The following EDARADD variants were observed in gnomAD, a reference collection of about 807,000 sequenced individuals.
EDARADD encodes the protein EDAR associated via death domain.
Under a neutral mutation model 25.6 loss-of-function variants are expected in EDARADD, and 20 were observed. That is an observed-to-expected ratio of 0.78 (90% CI 0.55 to 1.14). The LOEUF is 1.14. Ranked by LOEUF, EDARADD falls within the 50% of genes most tolerant of loss-of-function variation. EDARADD has a pLI of 0.00. For missense variants in EDARADD, 225 were observed against 270.1 expected (o/e 0.83, Z 1.17); for synonymous variants, 86 against 94.4 (o/e 0.91, Z 0.52).
intron 3 of EDARADD, among the ~76,000 whole-genome samples, chr1:236,368,536 G>C (rs1376875749): frequency 6.6e-6 from 1 of 150,844 alleles, no homozygotes; most frequent in African/African-American, 2.5e-5. Flanking sequence ...TGCCTCCCGG[G>C]TTCAAGCGAT....
At chr1:236,478,995 G>A (rs534583596) in intron 5 of EDARADD, among the ~76,000 whole-genome samples, 37 of 152,214 alleles carry the variant, frequency 2.4e-4, no homozygotes, top group South Asian at 2.3e-3. Flanking sequence ...AGAATGATAC[G>A]ATAGACTTTG....
chr1:236,412,874 A>T (rs934707452), intron 2 of EDARADD, among the ~76,000 whole-genome samples: 1 of 152,090 alleles, frequency 6.6e-6, no homozygotes. Context: ...ATTTTTATTT[A>T]TTTATTTATT....
At chr1:236,423,865 C>T (rs947854101) in intron 3 of EDARADD, among the ~76,000 whole-genome samples, 2 of 151,926 alleles carry the variant, frequency 1.3e-5, no homozygotes, top group East Asian at 1.9e-4. Context: ...CAGCACTTTG[C>T]GAGGCCGAGG....
chr1:236,454,504 C>T (rs1459906548), intron 4 of EDARADD, among the ~76,000 whole-genome samples: 1 of 152,196 alleles, frequency 6.6e-6, no homozygotes, highest in East Asian at 1.9e-4. Context: ...TGCTTTATTT[C>T]CTAGGCTTGG....
chr1:236,441,913 A>G (rs1658413009), intron 4 of EDARADD, among the ~76,000 whole-genome samples: 1 of 152,202 alleles, frequency 6.6e-6, no homozygotes, highest in Non-Finnish European at 1.5e-5. Context: ...AGGTTGGTTC[A>G]TGAGCTTAAG....
chr1:236,476,788 G>T (rs992304004), intron 5 of EDARADD, among the ~76,000 whole-genome samples: 1 of 152,088 alleles, frequency 6.6e-6, no homozygotes, highest in African/African-American at 2.4e-5. Flanking sequence ...GCCTCCCAAA[G>T]TACTGGGATT....
intron 3 of EDARADD, among the ~76,000 whole-genome samples, chr1:236,414,828 G>T (rs931371257): frequency 6.6e-6 from 1 of 151,762 alleles, no homozygotes; most frequent in African/African-American, 2.4e-5. Context: ...AGCCAAGATC[G>T]CACCACTGCA....
In EDARADD at chr1:236,414,217, A is replaced by G. The variant is rs748905830; in HGVS notation, c.121-43A>G. On this transcript the variant is annotated intron_variant, in intron 2 of 5. Coordinates refer to ENST00000334232, the MANE Select transcript of EDARADD (RefSeq NM_145861.4). ...AGCTTTCTTTTCACTTTGATCTTAC[A>G]TGGCATTTAAAAATAATTCTCCTCT... 1.2e-5 allele frequency: 18 copies of G among 1,530,612 alleles called. No individual in the cohort carries two copies. In the South Asian group the frequency reaches 1.2e-4, roughly 11 times the overall value. The allele number at this position is 1,530,612 out of a possible 1,614,324, so 94.8% of individuals were successfully genotyped here. A position where few individuals can be genotyped will look rare whatever the true frequency, so the allele number is the denominator to read the frequency against.
intron 4 of EDARADD, among the ~76,000 whole-genome samples, chr1:236,467,371 G>C (rs889183772): frequency 6.6e-6 from 1 of 151,520 alleles, no homozygotes; most frequent in Non-Finnish European, 1.5e-5. Flanking sequence ...TAACATAAAC[G>C]AAGGTGTACT....
chr1:236,473,448 G>A (rs1252104926), intron 5 of EDARADD, among the ~76,000 whole-genome samples: 1 of 152,144 alleles, frequency 6.6e-6, no homozygotes, highest in African/African-American at 2.4e-5. Context: ...GGTGAGCTGG[G>A]AGATAGCCTG....
intron 5 of EDARADD, among the ~76,000 whole-genome samples, chr1:236,473,649 G>A (rs1376233505): frequency 6.6e-6 from 1 of 152,156 alleles, no homozygotes; most frequent in Non-Finnish European, 1.5e-5. Context: ...GCTGGGCCCG[G>A]TGGCGTGCGC....
Position 236,395,820 on chromosome 1 carries a change from G to T in EDARADD, c.61+1315G>T, listed in dbSNP as rs1448467231. On this transcript the variant is annotated intron_variant, in intron 1 of 5. Coordinates refer to ENST00000334232, the MANE Select transcript of EDARADD (RefSeq NM_145861.4). The surrounding 1 kb of genome is among the most constrained non-coding windows in gnomAD (Gnocchi z 6.9). ...CGACCCAGGCGCCAGACCCGGAGTC[G>T]CACGGGGCTCCCAGTCCAGCCCCGC... is the stretch of plus-strand genomic sequence containing the variant. Among the ~76,000 whole-genome samples the T allele has an allele frequency of 6.6e-6, 1 of 151,762 alleles. No homozygotes were observed. The highest frequency in any genetic ancestry group is 2.4e-5 in the African/African-American group (1 of 41,342).
chr1:236,375,171 C>T (rs1667212442), intron 3 of EDARADD, among the ~76,000 whole-genome samples: 1 of 152,078 alleles, frequency 6.6e-6, no homozygotes, highest in Non-Finnish European at 1.5e-5. Context: ...TACCATTACA[C>T]AGGCAGTGCA....
At chr1:236,379,265 G>A (rs1667266515) in intron 3 of EDARADD, among the ~76,000 whole-genome samples, 2 of 152,116 alleles carry the variant, frequency 1.3e-5, no homozygotes, top group Non-Finnish European at 2.9e-5. Flanking sequence ...AGCTACTTGG[G>A]AGACTGAGGC....
chr1:236,405,274 C>T (rs1218023255), intron 1 of EDARADD, among the ~76,000 whole-genome samples: 1 of 152,034 alleles, frequency 6.6e-6, no homozygotes, highest in Admixed American at 6.6e-5. Context: ...GATGTCAGAC[C>T]GAAGCAAGAG....
At chr1:236,385,783 C>G (rs190637372) in intron 3 of EDARADD, among the ~76,000 whole-genome samples, 16 of 151,620 alleles carry the variant, frequency 1.1e-4, no homozygotes, top group African/African-American at 3.9e-4. Context: ...CTTGTATTCT[C>G]TCTTAATAAT....
chr1:236,365,023 G>C (rs1426092039), intron 3 of EDARADD, among the ~76,000 whole-genome samples: 1 of 152,058 alleles, frequency 6.6e-6, no homozygotes, highest in Admixed American at 6.6e-5. Context: ...TAGTTTTTTG[G>C]ATTTTCTATA....
At chr1:236,481,643 G>A (rs895312563) in intron 5 of EDARADD, among the ~76,000 whole-genome samples, 2 of 151,536 alleles carry the variant, frequency 1.3e-5, no homozygotes, top group African/African-American at 2.4e-5. Context: ...GCCAGGTTTG[G>A]TGGTACGTGC....
At chr1:236,430,641 A>G (rs1200993406) in intron 4 of EDARADD, among the ~76,000 whole-genome samples, 1 of 152,380 alleles carries the variant, frequency 6.6e-6, no homozygotes. Context: ...AAGTAGTACT[A>G]TAGGCAGCTG....
Sources: gnomAD v4.1 joint callset for allele counts (sites outside exome capture counted in the v4.1 genomes callset) on GRCh38, gnomAD v4.1.1 for gene constraint, Gnocchi (gnomAD v3.1) non-coding constraint, MANE v1.5 for transcripts, NCBI Gene and HGNC (gene_info 2026-07-23, HGNC 2026-07-21) for gene names.